ATL2: variants seen among roughly 807,000 people sequenced by gnomAD.
ATL2 encodes the protein atlastin GTPase 2.
ATL2 carries 31 observed loss-of-function variants against 73.9 expected under a neutral mutation model. That is an observed-to-expected ratio of 0.42 (90% CI 0.32 to 0.57). The LOEUF is 0.57. ATL2 is among the 20% of genes least tolerant of loss of function. ATL2 has a pLI of 0.14. For synonymous variants in ATL2, 291 were observed against 237.5 expected (o/e 1.23, Z -2.07); for missense variants, 738 against 702.6 (o/e 1.05, Z -0.57).
chr2:38,374,122 C>T (rs577947548), intron 1 of ATL2, among the ~76,000 whole-genome samples: 69 of 150,996 alleles, frequency 4.6e-4, no homozygotes, highest in Non-Finnish European at 9.1e-4. Context: ...AACTCCTGAC[C>T]TCAGGTGATC....
At chr2:38,332,395 G>A (rs1669052460) in intron 2 of ATL2, among the ~76,000 whole-genome samples, 1 of 151,860 alleles carries the variant, frequency 6.6e-6, no homozygotes, top group East Asian at 1.9e-4. Context: ...TTGTAGAGAT[G>A]GAGTCTCCCT....
intron 6 of ATL2, among the ~76,000 whole-genome samples, chr2:38,313,922 T>C (rs1490056872): frequency 6.6e-6 from 1 of 152,300 alleles, no homozygotes; most frequent in East Asian, 1.9e-4. Context: ...ATAGGCCAAA[T>C]AGGGTATATT....
At chr2:38,347,505 A>G (rs538263741) in intron 1 of ATL2, among the ~76,000 whole-genome samples, 8 of 152,232 alleles carry the variant, frequency 5.3e-5, no homozygotes, top group Non-Finnish European at 7.4e-5. Context: ...CCCTTTCCTT[A>G]ACACTTTAAT....
At chr2:38,296,435 T>C (rs748941083) in intron 12 of ATL2, 2 of 1,560,526 alleles carry the variant, frequency 1.3e-6, no homozygotes, top group Non-Finnish European at 1.7e-6. Context: ...TTGTCCTACA[T>C]GTGTAAGTGT....
chr2:38,320,193 T>C (rs1573471858), intron 2 of ATL2, among the ~76,000 whole-genome samples: 3 of 152,328 alleles, frequency 2.0e-5, no homozygotes, highest in Admixed American at 2.0e-4. Context: ...ATTTAAAACG[T>C]CTTTTTTAAA....
At chr2:38,360,149 A>C (rs922671978) in intron 1 of ATL2, among the ~76,000 whole-genome samples, 1 of 149,466 alleles carries the variant, frequency 6.7e-6, no homozygotes, top group Non-Finnish European at 1.5e-5. Context: ...AAAAAAAAAA[A>C]GAATACTAAA....
At chr2:38,324,240 T>C (rs1049649852) in intron 2 of ATL2, among the ~76,000 whole-genome samples, 5 of 152,200 alleles carry the variant, frequency 3.3e-5, no homozygotes, top group Non-Finnish European at 7.3e-5. Context: ...ATCGCGCCAT[T>C]GCACTCCAGC....
chr2:38,346,061 C>T (rs1245590881), intron 1 of ATL2, among the ~76,000 whole-genome samples: 2 of 152,174 alleles, frequency 1.3e-5, no homozygotes, highest in African/African-American at 4.8e-5. Flanking sequence ...ACCAGTGTAG[C>T]TGCGTACTGA....
chr2:38,319,668 A>C (rs1483627943), intron 2 of ATL2, among the ~76,000 whole-genome samples: 1 of 152,164 alleles, frequency 6.6e-6, no homozygotes, highest in Non-Finnish European at 1.5e-5. Context: ...TAAAAATCAT[A>C]AAAAACTCGG....
intron 1 of ATL2, among the ~76,000 whole-genome samples, chr2:38,362,481 C>T (rs1266793336): frequency 1.3e-5 from 2 of 152,186 alleles, no homozygotes; most frequent in East Asian, 3.8e-4. Context: ...ATCTGGGTAA[C>T]TGGCTCAGAA....
In ATL2 at chr2:38,349,164, C is replaced by T. The variant is rs548223943; in HGVS notation, c.119-5652G>A. Among the ~76,000 whole-genome samples, 14 of 152,146 alleles carry T rather than the reference C, an allele frequency of 9.2e-5. No homozygotes were observed. The East Asian group carries it at 2.5e-3, about 27-fold the overall frequency. ...GAAATACCATTTGACCCAGTCATCC[C>T]ATTACTGGGTATATACCCAAAGGAC... On this transcript the variant is annotated intron_variant, in intron 1 of 12. Coordinates refer to ENST00000378954, the MANE Select transcript of ATL2 (RefSeq NM_001135673.4).
chr2:38,309,536 A>G (rs1355529742), intron 8 of ATL2, 30 bp from the exon 9 acceptor site: 1 of 1,594,668 alleles, frequency 6.3e-7, no homozygotes, highest in African/African-American at 1.4e-5. Flanking sequence ...GCAACATATT[A>G]GTCCAAAAAA....
intron 2 of ATL2, among the ~76,000 whole-genome samples, chr2:38,328,344 TA>T (rs1668785712): frequency 6.6e-6 from 1 of 152,194 alleles, no homozygotes; most frequent in Admixed American, 6.5e-5. Context: ...GACATTATAG[TA>T]TATTTCATCC....
intron 9 of ATL2, among the ~76,000 whole-genome samples, chr2:38,305,346 G>T (rs1193235676): frequency 1.3e-5 from 2 of 152,134 alleles, no homozygotes. Flanking sequence ...TCAGGAGTTT[G>T]AGACCAGCCT....
chr2:38,370,959 G>T (rs1671656442), intron 1 of ATL2, among the ~76,000 whole-genome samples: 1 of 150,642 alleles, frequency 6.6e-6, no homozygotes, highest in Non-Finnish European at 1.5e-5. Flanking sequence ...CCCTATCTCG[G>T]GGGGGAAAAA....
chr2:38,366,793 T>C (rs1392129648), intron 1 of ATL2, among the ~76,000 whole-genome samples: 1 of 152,210 alleles, frequency 6.6e-6, no homozygotes, highest in Non-Finnish European at 1.5e-5. Context: ...AGCCCTTTTA[T>C]AAGGTAGGTA....
At chr2:38,311,219 T>C (rs1667741532) in intron 7 of ATL2, among the ~76,000 whole-genome samples, 1 of 152,158 alleles carries the variant, frequency 6.6e-6, no homozygotes, top group African/African-American at 2.4e-5. Flanking sequence ...ACAAAGACCT[T>C]AGAAATGTGT....
chr2:38,332,088 C>A (rs530670558), intron 2 of ATL2, among the ~76,000 whole-genome samples: 1 of 152,254 alleles, frequency 6.6e-6, no homozygotes, highest in African/African-American at 2.4e-5. Flanking sequence ...TAAGATTCAA[C>A]TTACATGAAT....
intron 5 of ATL2, 49 bp downstream of exon 5, chr2:38,315,235 G>C: frequency 2.8e-6 from 4 of 1,412,038 alleles, no homozygotes; most frequent in South Asian, 3.3e-5. Flanking sequence ...TGGGGAACAA[G>C]AGCGAAACTC....
Sources: allele counts gnomAD v4.1 joint callset (sites outside exome capture counted in the v4.1 genomes callset), GRCh38; gene constraint gnomAD v4.1.1; transcripts MANE v1.5; gene names NCBI Gene and HGNC (gene_info 2026-07-23, HGNC 2026-07-21).